KTN1: variants seen among roughly 807,000 people sequenced by gnomAD.
The protein encoded by KTN1 is kinectin 1.
KTN1 carries 130 observed loss-of-function variants against 222.5 expected under a neutral mutation model. That is an observed-to-expected ratio of 0.58 (90% CI 0.51 to 0.68). KTN1 has a LOEUF of 0.68. KTN1 is among the 30% of genes least tolerant of loss of function. The pLI, the probability that KTN1 is intolerant of heterozygous loss-of-function variation, is 0.00. For synonymous variants in KTN1, 512 were observed against 496.3 expected, an observed-to-expected ratio of 1.03 and a Z score of -0.42; for missense variants, 1,508 against 1,500.4, an observed-to-expected ratio of 1.01 and a Z score of -0.08.
intron 1 of KTN1, among the ~76,000 whole-genome samples, chr14:55,581,413 A>G (rs1397048701): frequency 2.0e-5 from 3 of 152,198 alleles, no homozygotes; most frequent in Admixed American, 1.3e-4. Context: ...AGTAGTGCTT[A>G]AAGAGCTACG....
intron 5 of KTN1, among the ~76,000 whole-genome samples, chr14:55,620,532 GT>G (rs1191076980): frequency 5.9e-5 from 9 of 152,180 alleles, no homozygotes; most frequent in African/African-American, 2.4e-5. Context: ...CTAGGCAGAG[GT>G]TTCCCAAAAC....
intron 43 of KTN1, chr14:55,682,826 T>A (rs776562714): frequency 2.0e-5 from 3 of 152,204 alleles, no homozygotes; most frequent in Non-Finnish European, 2.9e-5. Flanking sequence ...ATCCCTTTTG[T>A]CACTGTTTTC....
chr14:55,621,463 T>G (rs1249636551), intron 5 of KTN1, among the ~76,000 whole-genome samples: 1 of 152,190 alleles, frequency 6.6e-6, no homozygotes, highest in East Asian at 1.9e-4. Context: ...AGGGGTTTAA[T>G]GGACTCACAG....
At position 55,676,894 on chromosome 14, in the gene KTN1, T is replaced by C. The variant is rs561547050; in HGVS notation, c.3855+976T>C. On this transcript the variant is annotated intron_variant, in intron 41 of 43. Coordinates refer to ENST00000395314, the MANE Select transcript of KTN1 (RefSeq NM_001079521.2). The stretch of plus-strand genomic sequence containing the variant: ...TGGGTCTGTTTTAGAGGACAAACTT[T>C]GATGCTTAATACACTGTTGTGGTTG... 1.3e-4 allele frequency among the ~76,000 whole-genome samples: 20 copies of C among 152,290 alleles called. No homozygotes were observed. The South Asian group carries it at 4.1e-3, about 32-fold the overall frequency.
At chr14:55,650,302 AATTAT>A in intron 22 of KTN1, 21 bp from the exon 23 acceptor site, 1 of 1,493,556 alleles carries the variant, frequency 6.7e-7, no homozygotes, top group Non-Finnish European at 9.1e-7. Context: ...TTTCTAATCA[AATTAT>A]ACTGCATTTC....
At chr14:55,626,220 C>A (rs1365156620) in intron 5 of KTN1, among the ~76,000 whole-genome samples, 4 of 150,848 alleles carry the variant, frequency 2.7e-5, no homozygotes, top group African/African-American at 9.7e-5. Flanking sequence ...AAAAAAAAAA[C>A]CCTAACACAT....
intron 1 of KTN1, among the ~76,000 whole-genome samples, chr14:55,610,806 A>C (rs929033288): frequency 6.6e-6 from 1 of 152,222 alleles, no homozygotes. Context: ...TTATACTTTG[A>C]GATTTAATTT....
intron 13 of KTN1, 29 bp from the exon 14 acceptor site, chr14:55,639,884 T>C (rs2041583486): frequency 7.5e-7 from 1 of 1,333,618 alleles, no homozygotes; most frequent in Non-Finnish European, 1.1e-6. Flanking sequence ...GAATGTTTAT[T>C]GAATGTACAA....
At chr14:55,680,728 A>G (rs1190206854) in intron 43 of KTN1, 6 of 1,364,456 alleles carry the variant, frequency 4.4e-6, no homozygotes, top group African/African-American at 1.5e-5. Flanking sequence ...CTCTCCTTCA[A>G]AATGCTAATT....
At chr14:55,674,047 G>GT (rs750522300) in intron 40 of KTN1, 3 of 151,768 alleles carry the variant, frequency 2.0e-5, no homozygotes, top group African/African-American at 2.4e-5. Flanking sequence ...GATTACAGTA[G>GT]TAAGTTTTTT....
At chr14:55,618,684 T>A (rs558745116) in intron 4 of KTN1, among the ~76,000 whole-genome samples, 2 of 152,300 alleles carry the variant, frequency 1.3e-5, no homozygotes, top group African/African-American at 2.4e-5. Flanking sequence ...GATGCATGGA[T>A]TTTTAAAATG....
intron 7 of KTN1, among the ~76,000 whole-genome samples, chr14:55,632,733 TAA>T (rs1278255866): frequency 6.6e-6 from 1 of 152,144 alleles, no homozygotes; most frequent in Non-Finnish European, 1.5e-5. Context: ...GAAAAAAAAT[TAA>T]GAGGTCAGAA....
At chr14:55,667,445 C>T in intron 34 of KTN1, 115 bp downstream of exon 34, 1 of 531,122 alleles carries the variant, frequency 1.9e-6, no homozygotes, top group Non-Finnish European at 3.2e-6. Flanking sequence ...CTTGATCTTT[C>T]CTATTGTTAA....
Position 55,671,622 on chromosome 14 carries a change from G to A in KTN1, c.3405G>A (p.Glu1135=). ...AAATGCACACATTGTTACAGCTAGA[G>A]TGTGAAAAATACAAATCCGTCCTTG... The part of the protein sequence containing the change: ...ADEMHTLLQL[E]CEKYKSVLAE... Residue 1135 remains glutamate (E), a synonymous_variant, in exon 36 of 44, where the codon GAG becomes GAA. Transcript: ENST00000395314. The A allele has an allele frequency of 1.2e-6, 2 of 1,612,976 alleles. No individual in the cohort carries two copies. Among genetic ancestry groups the A allele is most frequent in the Non-Finnish European group, 1.7e-6 (2 of 1,179,500 alleles).
chr14:55,621,608 C>T (rs764199041), intron 5 of KTN1, among the ~76,000 whole-genome samples: 3 of 152,042 alleles, frequency 2.0e-5, no homozygotes, highest in African/African-American at 2.4e-5. Flanking sequence ...GACTTATTCA[C>T]GACCAGGAAA....
chr14:55,636,556 A>G lies in KTN1; in HGVS notation c.1549+20A>G. 1.3e-6 allele frequency: 2 copies of G among 1,565,296 alleles called. No individual in the cohort carries two copies. Among genetic ancestry groups the G allele is most frequent in the Non-Finnish European group, 1.7e-6 (2 of 1,144,916 alleles). On this transcript the variant is annotated intron_variant, in intron 10 of 43. Coordinates refer to ENST00000395314, the MANE Select transcript of KTN1 (RefSeq NM_001079521.2). The stretch of plus-strand genomic sequence containing the variant: ...AGCAAGGTAAGGGGAAGAAGTATTC[A>G]TGTAAACTTTGTATATAATTTTGGG...
At chr14:55,585,398 G>T (rs1006220072) in intron 1 of KTN1, among the ~76,000 whole-genome samples, 3 of 151,992 alleles carry the variant, frequency 2.0e-5, no homozygotes, top group Non-Finnish European at 4.4e-5. Context: ...AAATATATGT[G>T]CACCTTAAAT....
intron 29 of KTN1, chr14:55,656,344 C>CTA (rs1281296165): frequency 8.5e-5 from 36 of 424,940 alleles, no homozygotes; most frequent in African/African-American, 7.1e-4. Context: ...CTCTGTTGAA[C>CTA]TATACTAACT....
rs150001039 is a variant in KTN1 at position 55,597,063 on chromosome 14, G to GA, written c.-30-14946dup. ...TACTGTATATATGAAGGATTATTTTGAAAAAAAAAATCCAAAGGGAAGAAC... is the reference window on the plus strand; with the variant it reads ...TACTGTATATATGAAGGATTATTTTGAAAAAAAAAAATCCAAAGGGAAGAAC... On this transcript the variant is annotated intron_variant, in intron 1 of 43. Coordinates refer to ENST00000395314, the MANE Select transcript of KTN1 (RefSeq NM_001079521.2). Among the ~76,000 whole-genome samples the GA allele has an allele frequency of 9.8e-4, 145 of 147,530 alleles. 1 individual carries two copies. In the East Asian group the frequency reaches 0.019, roughly 19 times the overall value.
Sources: gnomAD v4.1 joint callset for allele counts (sites outside exome capture counted in the v4.1 genomes callset) on GRCh38, gnomAD v4.1.1 for gene constraint, MANE v1.5 for transcripts, NCBI Gene and HGNC (gene_info 2026-07-23, HGNC 2026-07-21) for gene names.